DOK6: variants seen among roughly 807,000 people sequenced by gnomAD.
The protein encoded by DOK6 is docking protein 6.
In DOK6, 22 loss-of-function variants were observed where a neutral mutation model predicts 44.0. The observed-to-expected ratio is 0.50, with a 90% CI of 0.36 to 0.71. The LOEUF (loss-of-function observed/expected upper bound fraction) is 0.71, where lower values mean the gene tolerates loss of function less well. Among genes scored for constraint, DOK6 ranks in the 30% least tolerant of loss-of-function variants. The probability of loss-of-function intolerance (pLI) is 0.00; values close to 1 mark genes in which losing one functional copy is unlikely to be tolerated. For missense variants in DOK6, 340 were observed against 416.4 expected, an observed-to-expected ratio of 0.82 and a Z score of 1.60; for synonymous variants, 166 against 145.5, an observed-to-expected ratio of 1.14 and a Z score of -1.01.
At chr18:69,433,311 C>T (rs1481775797) in intron 1 of DOK6, among the ~76,000 whole-genome samples, 1 of 151,844 alleles carries the variant, frequency 6.6e-6, no homozygotes, top group East Asian at 1.9e-4. Flanking sequence ...TTTCTGAGAA[C>T]CAATGTAATA....
At chr18:69,537,989 C>T (rs528263058) in intron 1 of DOK6, among the ~76,000 whole-genome samples, 1 of 152,040 alleles carries the variant, frequency 6.6e-6, no homozygotes, top group South Asian at 2.1e-4. Flanking sequence ...GACTTGTATC[C>T]AAGCAGAGAT....
intron 6 of DOK6, among the ~76,000 whole-genome samples, chr18:69,747,357 A>G (rs68086428): frequency 0.098 from 14,913 of 152,258 alleles, 743 homozygotes; most frequent in Middle Eastern, 0.14. Flanking sequence ...ATTAGCATCA[A>G]TGTTCATCAC....
At position 69,476,212 on chromosome 18, in the gene DOK6, A is replaced by G. The variant is rs148021058; in HGVS notation, c.66+74902A>G. Among the ~76,000 whole-genome samples the G allele has an allele frequency of 5.9e-5, 9 of 152,322 alleles. No individual in the cohort carries two copies. The East Asian group carries it at 1.7e-3, about 29-fold the overall frequency. ...CAACATTTTAAATGCACGTCTTCACAGGCAGTTTTTTTGTGAGTTTATCAT... is the reference window on the plus strand; with the variant it reads ...CAACATTTTAAATGCACGTCTTCACGGGCAGTTTTTTTGTGAGTTTATCAT... On this transcript the variant is annotated intron_variant, in intron 1 of 7. Transcript: ENST00000382713.
At chr18:69,750,823 CAT>C in intron 6 of DOK6, among the ~76,000 whole-genome samples, 1 of 152,154 alleles carries the variant, frequency 6.6e-6, no homozygotes, top group South Asian at 2.1e-4. Context: ...ATGGAATCAG[CAT>C]AAGTGTTTAT....
intron 1 of DOK6, among the ~76,000 whole-genome samples, chr18:69,509,637 C>CA (rs1183367298): frequency 0.31 from 10,323 of 33,620 alleles, 2,835 homozygotes; most frequent in South Asian, 0.37. Context: ...GGCTCTGTCT[C>CA]AAAAAAAAAA....
chr18:69,478,809 T>A lies in DOK6; in HGVS notation c.66+77499T>A, dbSNP rs79581084. 7.7e-3 allele frequency among the ~76,000 whole-genome samples: 1,179 copies of A among 152,286 alleles called. 13 individuals carry two copies. The highest frequency in any genetic ancestry group is 0.026 in the African/African-American group (1,071 of 41,560). ...TTACTGTTAACTAAACCCCACACTT[T>A]ATTTGGATATCATGGGCTTTGCCAC... On this transcript the variant is annotated intron_variant, in intron 1 of 7. Transcript: ENST00000382713.
intron 1 of DOK6, among the ~76,000 whole-genome samples, chr18:69,422,075 A>G (rs533737280): frequency 1.3e-5 from 2 of 152,314 alleles, no homozygotes; most frequent in South Asian, 4.1e-4. Flanking sequence ...AACGGTTTCC[A>G]GCCCTTCCTC....
At chr18:69,713,410 TCC>T (rs1342420650) in intron 5 of DOK6, among the ~76,000 whole-genome samples, 2 of 152,198 alleles carry the variant, frequency 1.3e-5, no homozygotes, top group Non-Finnish European at 2.9e-5. Context: ...GGAATAAGCT[TCC>T]TGCATACCAA....
chr18:69,446,886 C>T (rs1309043307), intron 1 of DOK6, among the ~76,000 whole-genome samples: 1 of 152,148 alleles, frequency 6.6e-6, no homozygotes, highest in Non-Finnish European at 1.5e-5. Context: ...TATCCTTTGC[C>T]TACTTTTTGA....
rs1419036224 is a variant in DOK6, at chr18:69,840,163, G to A, written c.857-1081G>A. The stretch of plus-strand genomic sequence containing the variant: ...CATTGCCAAGGACAGAGCCACCTGC[G>A]GAGCCTGACACAGAGATGGTCGGTG... On this transcript the variant is annotated intron_variant, in intron 7 of 7. Transcript: ENST00000382713. Among the ~76,000 whole-genome samples, 4 of 152,216 alleles carry A rather than the reference G, an allele frequency of 2.6e-5. No individual in the cohort carries two copies. The East Asian group carries it at 5.8e-4, about 22-fold the overall frequency.
intron 3 of DOK6, among the ~76,000 whole-genome samples, chr18:69,632,594 C>T (rs1326858185): frequency 6.6e-6 from 1 of 152,106 alleles, no homozygotes; most frequent in African/African-American, 2.4e-5. Flanking sequence ...CCTTTGACAA[C>T]CAAGATGATT....
At chr18:69,503,990 A>C (rs934222082) in intron 1 of DOK6, among the ~76,000 whole-genome samples, 3 of 152,080 alleles carry the variant, frequency 2.0e-5, no homozygotes, top group Admixed American at 6.5e-5. Context: ...TGAATGACTC[A>C]GATAATTTTT....
At chr18:69,786,536 A>G (rs1017320211) in intron 7 of DOK6, among the ~76,000 whole-genome samples, 1 of 152,220 alleles carries the variant, frequency 6.6e-6, no homozygotes, top group Admixed American at 6.5e-5. Flanking sequence ...GGTGAGATCA[A>G]TTAATTTTCC....
At chr18:69,791,854 A>G (rs1191541972) in intron 7 of DOK6, among the ~76,000 whole-genome samples, 2 of 152,100 alleles carry the variant, frequency 1.3e-5, no homozygotes, top group Non-Finnish European at 2.9e-5. Context: ...TGTGTCTCCA[A>G]TGTTTTCTTT....
chr18:69,426,991 C>T (rs1223014921), intron 1 of DOK6, among the ~76,000 whole-genome samples: 1 of 141,160 alleles, frequency 7.1e-6, no homozygotes, highest in East Asian at 2.1e-4. Context: ...CCTCTCTCCC[C>T]TTCCATCCTC....
chr18:69,535,812 CAG>C (rs765214393), intron 1 of DOK6, among the ~76,000 whole-genome samples: 4 of 151,976 alleles, frequency 2.6e-5, no homozygotes, highest in Admixed American at 2.6e-4. Flanking sequence ...AAAATATCTA[CAG>C]AGTTCTGAGT....
chr18:69,826,274 T>C (rs1164967692), intron 7 of DOK6, among the ~76,000 whole-genome samples: 1 of 152,210 alleles, frequency 6.6e-6, no homozygotes, highest in African/African-American at 2.4e-5. Flanking sequence ...TTGGCATCTG[T>C]ACTCTCAGCC....
At chr18:69,778,828 T>G in intron 7 of DOK6, among the ~76,000 whole-genome samples, 1 of 152,162 alleles carries the variant, frequency 6.6e-6, no homozygotes, top group East Asian at 1.9e-4. Context: ...GACTGCTAAC[T>G]TCTGAAAATA....
chr18:69,443,047 C>A (rs561433228), intron 1 of DOK6, among the ~76,000 whole-genome samples: 1 of 152,128 alleles, frequency 6.6e-6, no homozygotes, highest in South Asian at 2.1e-4. Flanking sequence ...CATTTTTTTT[C>A]ATTTGGTATA....
Sources: gnomAD v4.1 joint callset for allele counts (sites outside exome capture counted in the v4.1 genomes callset) on GRCh38, gnomAD v4.1.1 for gene constraint, MANE v1.5 for transcripts, NCBI Gene and HGNC (gene_info 2026-07-23, HGNC 2026-07-21) for gene names.